The following NKAIN3 variants were observed in gnomAD, a reference collection of about 807,000 sequenced individuals.
NKAIN3 encodes the protein sodium/potassium-transporting ATPase subunit beta-1-interacting protein 3.
Under a neutral mutation model 30.2 loss-of-function variants are expected in NKAIN3, and 25 were observed. The observed-to-expected ratio is 0.83, with a 90% confidence interval of 0.60 to 1.16. The LOEUF is 1.16. Ranked by LOEUF, NKAIN3 falls within the 50% of genes most tolerant of loss-of-function variation. The pLI is 0.00. For missense variants in NKAIN3, 225 were observed against 254.1 expected (o/e 0.89, Z 0.78); for synonymous variants, 91 against 89.6 (o/e 1.02, Z -0.09).
At chr8:62,249,454 T>C (rs367744290) in intron 1 of NKAIN3, among the ~76,000 whole-genome samples, 1 of 152,236 alleles carries the variant, frequency 6.6e-6, no homozygotes, top group African/African-American at 2.4e-5. Flanking sequence ...CTTGATCCGA[T>C]ACCTGGTTTA....
At chr8:62,679,219 A>G (rs1813575211) in intron 3 of NKAIN3, among the ~76,000 whole-genome samples, 1 of 152,352 alleles carries the variant, frequency 6.6e-6, no homozygotes, top group Non-Finnish European at 1.5e-5. Context: ...TTGAGGATTC[A>G]CTAAAAATGG....
intron 1 of NKAIN3, among the ~76,000 whole-genome samples, chr8:62,378,880 C>T (rs1758344430): frequency 6.6e-6 from 1 of 152,154 alleles, no homozygotes; most frequent in South Asian, 2.1e-4. Flanking sequence ...TAGTGGAACT[C>T]TGAGAAGAGG....
intron 5 of NKAIN3, among the ~76,000 whole-genome samples, chr8:62,925,806 T>G (rs1321284785): frequency 2.6e-5 from 4 of 152,132 alleles, no homozygotes; most frequent in African/African-American, 9.7e-5. Flanking sequence ...ATGGTCAACA[T>G]CAGGAGTGGT....
In NKAIN3 at chr8:62,451,209, CCTTCT is replaced by C. The variant is rs1043351731; in HGVS notation, c.55-128316_55-128312del. ...AAATCAAGTGCTCATCATTGAATCG[CCTTCT>C]CTTCTCTTCTCTTTTCTCTTCTCTT... On this transcript the variant is annotated intron_variant, in intron 1 of 6. Coordinates refer to ENST00000623646, the MANE Select transcript of NKAIN3 (RefSeq NM_001304533.3). Among the ~76,000 whole-genome samples the C allele has an allele frequency of 1.2e-4, 18 of 151,532 alleles. No homozygotes were observed. In the South Asian group the frequency reaches 2.1e-3, roughly 18 times the overall value.
At chr8:62,435,612 C>T (rs144031340) in intron 1 of NKAIN3, among the ~76,000 whole-genome samples, 6 of 152,056 alleles carry the variant, frequency 3.9e-5, no homozygotes, top group South Asian at 2.1e-4. Flanking sequence ...CCTGTGAGCA[C>T]GTATAAGGAG....
intron 1 of NKAIN3, among the ~76,000 whole-genome samples, chr8:62,286,814 T>C (rs1489775692): frequency 2.6e-5 from 4 of 152,024 alleles, no homozygotes; most frequent in African/African-American, 9.7e-5. Flanking sequence ...AGGGGAGTCT[T>C]TGGGGAGCAA....
chr8:62,457,540 T>A (rs140482086), intron 1 of NKAIN3, among the ~76,000 whole-genome samples: 2 of 152,360 alleles, frequency 1.3e-5, no homozygotes, highest in African/African-American at 2.4e-5. Context: ...GAGCACTTGA[T>A]GATTTCCACT....
At chr8:62,657,070 G>T (rs1033707846) in intron 3 of NKAIN3, among the ~76,000 whole-genome samples, 2 of 152,012 alleles carry the variant, frequency 1.3e-5, no homozygotes, top group African/African-American at 4.8e-5. Flanking sequence ...CACTGTTTTT[G>T]GCTATTTTGT....
chr8:62,691,528 C>A (rs77609131), intron 3 of NKAIN3, among the ~76,000 whole-genome samples: 16,225 of 152,134 alleles, frequency 0.11, 1,074 homozygotes, highest in East Asian at 0.3. Flanking sequence ...AACATAACTA[C>A]AATGTTGTTG....
At chr8:62,361,955 G>A (rs985123711) in intron 1 of NKAIN3, among the ~76,000 whole-genome samples, 5 of 151,934 alleles carry the variant, frequency 3.3e-5, no homozygotes, top group Non-Finnish European at 5.9e-5. Flanking sequence ...TTTCCTCCAG[G>A]AAACATTTCT....
At chr8:62,395,046 T>A (rs1341614543) in intron 1 of NKAIN3, among the ~76,000 whole-genome samples, 25 of 148,926 alleles carry the variant, frequency 1.7e-4, no homozygotes, top group African/African-American at 6.0e-4. Context: ...GAGGCGCTCC[T>A]CACTTCCCAG....
chr8:62,293,253 C>T (rs972286332), intron 1 of NKAIN3, among the ~76,000 whole-genome samples: 14 of 152,212 alleles, frequency 9.2e-5, no homozygotes, highest in East Asian at 1.9e-4. Context: ...AGTCATTCTC[C>T]GTCCAGCTTT....
At chr8:62,714,659 A>C (rs1563528479) in intron 3 of NKAIN3, among the ~76,000 whole-genome samples, 1 of 152,222 alleles carries the variant, frequency 6.6e-6, no homozygotes, top group Non-Finnish European at 1.5e-5. Context: ...AGCTATGTTT[A>C]GGGCACTGTT....
At chr8:62,312,599 C>G (rs2129588777) in intron 1 of NKAIN3, among the ~76,000 whole-genome samples, 1 of 144,206 alleles carries the variant, frequency 6.9e-6, no homozygotes, top group South Asian at 2.1e-4. Context: ...AGGAAGATCT[C>G]TTGAGCCCAG....
intron 5 of NKAIN3, among the ~76,000 whole-genome samples, chr8:62,953,484 G>A (rs1299090649): frequency 6.6e-6 from 1 of 152,158 alleles, no homozygotes; most frequent in Non-Finnish European, 1.5e-5. Context: ...GATAGATTGT[G>A]TGGCTTCTCA....
At chr8:62,479,586 G>C (rs1415507925) in intron 1 of NKAIN3, among the ~76,000 whole-genome samples, 1 of 152,182 alleles carries the variant, frequency 6.6e-6, no homozygotes, top group Non-Finnish European at 1.5e-5. Context: ...GAAAATAAAA[G>C]ATCAGTTTTG....
At chr8:62,724,682 C>A (rs1487207132) in intron 3 of NKAIN3, among the ~76,000 whole-genome samples, 2 of 151,986 alleles carry the variant, frequency 1.3e-5, no homozygotes, top group African/African-American at 4.8e-5. Flanking sequence ...ACTTCCAGTT[C>A]CATCCATGTT....
intron 4 of NKAIN3, among the ~76,000 whole-genome samples, chr8:62,787,160 G>C (rs1370446760): frequency 6.6e-6 from 1 of 152,110 alleles, no homozygotes; most frequent in Non-Finnish European, 1.5e-5. Context: ...AATAACTGAT[G>C]CTTTCCTTGA....
At chr8:62,283,952 C>G (rs1035128488) in intron 1 of NKAIN3, among the ~76,000 whole-genome samples, 4 of 152,092 alleles carry the variant, frequency 2.6e-5, no homozygotes, top group African/African-American at 9.7e-5. Flanking sequence ...ACAGGCATCA[C>G]AAAAGCATTA....
Sources: gnomAD v4.1 joint callset for allele counts (sites outside exome capture counted in the v4.1 genomes callset) on GRCh38, gnomAD v4.1.1 for gene constraint, MANE v1.5 for transcripts, NCBI Gene and HGNC (gene_info 2026-07-23, HGNC 2026-07-21) for gene names.